Variants in FCHSD2 observed in about 807,000 individuals in gnomAD.
FCHSD2 encodes FCH and double SH3 domains 2.
A neutral mutation model predicts 108.1 loss-of-function variants in FCHSD2; 38 were observed. The observed-to-expected ratio is 0.35, with a 90% confidence interval of 0.27 to 0.46. FCHSD2 has a LOEUF of 0.46. FCHSD2 is among the 20% of genes least tolerant of loss of function. The probability of loss-of-function intolerance (pLI) is 1.00; values close to 1 mark genes in which losing one functional copy is unlikely to be tolerated. For synonymous variants in FCHSD2, 279 were observed against 314.7 expected (o/e 0.89, Z 1.20); for missense variants, 751 against 897.8 (o/e 0.84, Z 2.09).
intron 8 of FCHSD2, among the ~76,000 whole-genome samples, chr11:72,978,794 C>T (rs908768674): frequency 4.0e-5 from 6 of 150,880 alleles, no homozygotes; most frequent in East Asian, 2.0e-4. Context: ...CCCAGCCATG[C>T]GGAACTGAGT....
At chr11:72,995,286 T>A (rs1857499536) in intron 5 of FCHSD2, among the ~76,000 whole-genome samples, 1 of 152,132 alleles carries the variant, frequency 6.6e-6, no homozygotes, top group African/African-American at 2.4e-5. Context: ...AGTTTTTGTT[T>A]AATAAATGAC....
chr11:72,916,594 C>A (rs561932617), intron 9 of FCHSD2, among the ~76,000 whole-genome samples: 3 of 152,136 alleles, frequency 2.0e-5, no homozygotes, highest in Admixed American at 2.0e-4. Flanking sequence ...GGATTACAAG[C>A]GTGAGCCACT....
At chr11:73,053,082 G>A (rs1409142829) in intron 3 of FCHSD2, among the ~76,000 whole-genome samples, 2 of 150,606 alleles carry the variant, frequency 1.3e-5, no homozygotes, top group Admixed American at 6.6e-5. Context: ...CTGGCCTCAA[G>A]TGATCTGCCC....
intron 14 of FCHSD2, among the ~76,000 whole-genome samples, chr11:72,847,554 G>C (rs1861178758): frequency 6.6e-6 from 1 of 152,094 alleles, no homozygotes; most frequent in Non-Finnish European, 1.5e-5. Flanking sequence ...GGGCAGAAGT[G>C]CCATACATTA....
At chr11:73,050,001 G>A (rs1043325661) in intron 3 of FCHSD2, among the ~76,000 whole-genome samples, 1 of 152,180 alleles carries the variant, frequency 6.6e-6, no homozygotes, top group African/African-American at 2.4e-5. Context: ...GTGAAATACT[G>A]TCACTGAATG....
chr11:73,060,899 AGT>A (rs1859143413), intron 3 of FCHSD2, among the ~76,000 whole-genome samples: 1 of 152,220 alleles, frequency 6.6e-6, no homozygotes, highest in East Asian at 1.9e-4. Context: ...CAGGCACTAT[AGT>A]GAGATTCCCG....
At chr11:73,077,749 A>C (rs1185594637) in intron 3 of FCHSD2, 1 of 298,556 alleles carries the variant, frequency 3.3e-6, no homozygotes, top group Non-Finnish European at 6.6e-6. Flanking sequence ...TAAATGAAGA[A>C]GCCAGCTGGG....
intron 12 of FCHSD2, among the ~76,000 whole-genome samples, chr11:72,876,142 T>C (rs78982391): frequency 2.0e-3 from 300 of 152,086 alleles, no homozygotes; most frequent in Non-Finnish European, 3.2e-3. Flanking sequence ...CTGGGCAAAA[T>C]AGCAAGACCC....
chr11:73,027,414 T>C (rs1442575702), intron 3 of FCHSD2, among the ~76,000 whole-genome samples: 1 of 152,188 alleles, frequency 6.6e-6, no homozygotes, highest in Non-Finnish European at 1.5e-5. Flanking sequence ...GCAGAAGAAA[T>C]TTCTAAGCAG....
At chr11:73,118,344 A>C (rs924292293) in intron 2 of FCHSD2, among the ~76,000 whole-genome samples, 4 of 152,118 alleles carry the variant, frequency 2.6e-5, no homozygotes, top group African/African-American at 9.7e-5. Context: ...AAAACAAAGG[A>C]CACAGAATGG....
intron 8 of FCHSD2, among the ~76,000 whole-genome samples, chr11:72,925,192 A>G (rs1856052843): frequency 6.6e-6 from 1 of 152,200 alleles, no homozygotes; most frequent in Non-Finnish European, 1.5e-5. Flanking sequence ...GAGGGAGGAG[A>G]AAAGTTGAAG....
In FCHSD2 at chr11:72,887,557, C is replaced by T. The variant is rs1177273803; in HGVS notation, c.1059G>A (p.Glu353=). 3 of 1,583,974 alleles carry T rather than the reference C, an allele frequency of 1.9e-6. No homozygotes were observed. The highest frequency in any genetic ancestry group is 1.2e-5 in the South Asian group (1 of 85,244). ...GTTCTGATACAGCAGCTCCATGACACTCCAGATCATTTAGAACCTATTAAA... is the reference window on the plus strand; with the variant it reads ...GTTCTGATACAGCAGCTCCATGACATTCCAGATCATTTAGAACCTATTAAA... ...VHQQRVLNDL[E]CHGAAVSEQS... Residue 353 remains glutamate (E), a synonymous_variant, in exon 12 of 20, where the codon GAG becomes GAA. Transcript: ENST00000409418.
At chr11:72,889,555 T>C (rs1037099499) in intron 11 of FCHSD2, among the ~76,000 whole-genome samples, 3 of 151,968 alleles carry the variant, frequency 2.0e-5, no homozygotes, top group Non-Finnish European at 4.4e-5. Context: ...ACAAAAAATC[T>C]AAAAAAATTT....
At position 72,887,534 on chromosome 11, in the gene FCHSD2, T is replaced by G; in HGVS notation, c.1082A>C (p.Glu361Ala). 6.2e-7 allele frequency: 1 copy of G among 1,603,018 alleles called. No individual in the cohort carries two copies. The highest frequency in any genetic ancestry group is 8.5e-7 in the Non-Finnish European group (1 of 1,175,762). ...DLECHGAAVS[E>A]QSRAELEQKI... ...CTGTTCTAGCTCTGCTCGGCTTTGT[T>G]CTGATACAGCAGCTCCATGACACTC... Residue 361 changes from glutamate to alanine, a missense_variant, in exon 12 of 20, where the codon GAA (glutamate) becomes GCA (alanine). Transcript: ENST00000409418.
chr11:73,027,708 C>T (rs530393612), intron 3 of FCHSD2, among the ~76,000 whole-genome samples: 4 of 152,354 alleles, frequency 2.6e-5, no homozygotes, highest in South Asian at 2.1e-4. Context: ...CTGCACTCCC[C>T]GCCATCACAG....
At chr11:73,137,641 T>C (rs1861149593) in intron 2 of FCHSD2, among the ~76,000 whole-genome samples, 1 of 152,162 alleles carries the variant, frequency 6.6e-6, no homozygotes, top group Non-Finnish European at 1.5e-5. Flanking sequence ...ATCAAAATCC[T>C]TTGAGATCAC....
At chr11:72,893,999 G>A (rs1056591429) in intron 10 of FCHSD2, among the ~76,000 whole-genome samples, 2 of 152,152 alleles carry the variant, frequency 1.3e-5, no homozygotes, top group African/African-American at 4.8e-5. Context: ...AGTGAGCAGC[G>A]ATAGAAAAGC....
At chr11:72,931,051 AATAT>A (rs147983751) in intron 8 of FCHSD2, among the ~76,000 whole-genome samples, 2 of 146,620 alleles carry the variant, frequency 1.4e-5, no homozygotes, top group Admixed American at 6.9e-5. Context: ...GTGCCTCACA[AATAT>A]ATATATATAT....
rs547081894 is a variant in FCHSD2, at chr11:73,071,160, C to T, written c.165+12535G>A. On this transcript the variant is annotated intron_variant, in intron 3 of 19. Coordinates refer to ENST00000409418, the MANE Select transcript of FCHSD2 (RefSeq NM_014824.3). ...CAGTCTCTTCCATTCTGGAGCTGCT[C>T]TAACTAGCTAATACCTTCTGTCATC... is the stretch of plus-strand genomic sequence containing the variant. Among the ~76,000 whole-genome samples the T allele has an allele frequency of 2.6e-5, 4 of 152,306 alleles. No individual in the cohort carries two copies. In the South Asian group the frequency reaches 8.3e-4, roughly 32 times the overall value.
Sources: gnomAD v4.1 joint callset for allele counts (sites outside exome capture counted in the v4.1 genomes callset) on GRCh38, gnomAD v4.1.1 for gene constraint, MANE v1.5 for transcripts, NCBI Gene and HGNC (gene_info 2026-07-23, HGNC 2026-07-21) for gene names.